The following MIDEAS variants were observed in gnomAD, a reference collection of about 807,000 sequenced individuals.
The protein encoded by MIDEAS is mitotic deacetylase associated SANT domain protein, also known as mitotic deacetylase-associated SANT domain protein.
MIDEAS carries 26 observed loss-of-function variants against 102.7 expected under a neutral mutation model. The observed-to-expected ratio is 0.25, with a 90% confidence interval of 0.19 to 0.35. MIDEAS has a LOEUF of 0.35. MIDEAS is among the 10% of genes least tolerant of loss of function. The pLI, the probability that MIDEAS is intolerant of heterozygous loss-of-function variation, is 1.00. For synonymous variants in MIDEAS, 585 were observed against 591.0 expected, an observed-to-expected ratio of 0.99 and a Z score of 0.15; for missense variants, 1,231 against 1,435.6, an observed-to-expected ratio of 0.86 and a Z score of 2.30.
chr14:73,786,399 T>C (rs2053809589), intron 1 of MIDEAS, among the ~76,000 whole-genome samples: 1 of 152,148 alleles, frequency 6.6e-6, no homozygotes, highest in Admixed American at 6.5e-5. Flanking sequence ...GTTTCTGAGT[T>C]TTATATAGAA....
chr14:73,776,523 A>T lies in MIDEAS; in HGVS notation c.-248+10579T>A, dbSNP rs554055795. Among the ~76,000 whole-genome samples the T allele has an allele frequency of 1.6e-4, 20 of 121,742 alleles. 1 individual carries two copies. The East Asian group carries it at 6.6e-3, about 40-fold the overall frequency. 79.9% of individuals were successfully genotyped at this position (121,742 alleles called of 152,430 possible). A position where few individuals can be genotyped will look rare whatever the true frequency, so the allele number is the denominator to read the frequency against. Reference sequence around the variant, plus strand: ...ACATGGCAAAACCCCATCTCTGTTTAAATTACAAAAAAAAAAAAAAAAAAG... The same window carrying T: ...ACATGGCAAAACCCCATCTCTGTTTTAATTACAAAAAAAAAAAAAAAAAAG... On this transcript the variant is annotated intron_variant, in intron 1 of 11. Transcript: ENST00000394071.
At chr14:73,731,335 A>G (rs1245293448) in intron 3 of MIDEAS, among the ~76,000 whole-genome samples, 2 of 152,202 alleles carry the variant, frequency 1.3e-5, no homozygotes, top group African/African-American at 4.8e-5. Context: ...CCATAAACAC[A>G]TTCCAGCAGA....
At chr14:73,719,077 GGAGCCCCA>G in intron 12 of MIDEAS, 69 bp from the exon 13 acceptor site, 1 of 1,447,066 alleles carries the variant, frequency 6.9e-7, no homozygotes, top group Non-Finnish European at 9.0e-7. Context: ...GGGTGCGCGA[GGAGCCCCA>G]GCCTTCACCT....
intron 1 of MIDEAS, among the ~76,000 whole-genome samples, chr14:73,778,677 A>G (rs1472914880): frequency 1.3e-5 from 2 of 151,902 alleles, no homozygotes; most frequent in African/African-American, 4.8e-5. Flanking sequence ...GAGGCTGAGG[A>G]GGGGACATGG....
chr14:73,789,073 ACAGC>A (rs1306320661), upstream of MIDEAS: 1 of 152,180 alleles, frequency 6.6e-6, no homozygotes, highest in Non-Finnish European at 1.5e-5. Context: ...GATGTGGTAG[ACAGC>A]CTCTAAGATG....
intron 1 of MIDEAS, among the ~76,000 whole-genome samples, chr14:73,784,410 G>A (rs1196912380): frequency 6.6e-6 from 1 of 152,244 alleles, no homozygotes; most frequent in East Asian, 1.9e-4. Context: ...CTGAAGGTGA[G>A]GGGCCTGCAT....
At chr14:73,737,372 C>A in intron 2 of MIDEAS, 75 bp from the exon 3 acceptor site, 2 of 1,474,606 alleles carry the variant, frequency 1.4e-6, no homozygotes, top group South Asian at 2.6e-5. Flanking sequence ...GCCTATAATT[C>A]CTGCACTTTG....
intron 1 of MIDEAS, among the ~76,000 whole-genome samples, chr14:73,749,026 A>G (rs35137855): frequency 0.022 from 3,375 of 152,280 alleles, 57 homozygotes; most frequent in Non-Finnish European, 0.035. Flanking sequence ...ATACATACAC[A>G]TGAGAGAGAG....
At chr14:73,723,890 G>C (rs2053028149) in intron 9 of MIDEAS, 1 of 152,158 alleles carries the variant, frequency 6.6e-6, no homozygotes, top group Non-Finnish European at 1.5e-5. Context: ...GCTGAGAAGT[G>C]AGCATACAGA....
In MIDEAS at chr14:73,722,660, CCCAGG is replaced by C; in HGVS notation, c.2724+33_2724+37del. 4 of 1,606,596 alleles carry C rather than the reference CCCAGG, an allele frequency of 2.5e-6. No individual in the cohort carries two copies. In the South Asian group the frequency reaches 4.4e-5, roughly 18 times the overall value. ...AGCTCAGGCCTGGTCCCAGACCCAGCCCAGGCTCTATGCAGCTGAGGTTGGAAAAG... is the reference window on the plus strand; with the variant it reads ...AGCTCAGGCCTGGTCCCAGACCCAGCCTCTATGCAGCTGAGGTTGGAAAAG... On this transcript the variant is annotated intron_variant, in intron 10 of 12. Coordinates refer to ENST00000423556, the MANE Select transcript of MIDEAS (RefSeq NM_001367710.1).
intron 1 of MIDEAS, among the ~76,000 whole-genome samples, chr14:73,771,355 C>T (rs915440778): frequency 1.3e-5 from 2 of 152,180 alleles, no homozygotes; most frequent in Admixed American, 6.5e-5. Flanking sequence ...CTCCAACCTG[C>T]GAACTCAAGG....
At chr14:73,770,641 C>T (rs147639878) in intron 1 of MIDEAS, among the ~76,000 whole-genome samples, 74 of 152,270 alleles carry the variant, frequency 4.9e-4, no homozygotes, top group African/African-American at 1.7e-3. Flanking sequence ...TAACCTCCAG[C>T]GTCCTGGGTA....
At chr14:73,746,582 C>T (rs1317715462) in intron 1 of MIDEAS, among the ~76,000 whole-genome samples, 1 of 152,188 alleles carries the variant, frequency 6.6e-6, no homozygotes, top group Non-Finnish European at 1.5e-5. Context: ...ATGCCCTATA[C>T]AGCTCCCACC....
At chr14:73,784,622 C>T (rs1415240469) in intron 1 of MIDEAS, among the ~76,000 whole-genome samples, 1 of 152,060 alleles carries the variant, frequency 6.6e-6, no homozygotes, top group African/African-American at 2.4e-5. Context: ...CCCCTCAAGA[C>T]TACAGCCAGG....
Position 73,729,924 on chromosome 14 carries a change from G to C in MIDEAS, c.1811C>G (p.Pro604Arg). The change falls in exon 4 of 13, where the codon CCC becomes CGC. Residue 604 changes from proline to arginine, a missense_variant. Pro to Arg is a moderately radical substitution (Grantham distance 103). Coordinates refer to ENST00000423556, the MANE Select transcript of MIDEAS (RefSeq NM_001367710.1). Reference protein sequence around the residue: ...EPSVRKPKQRPRPEPLIIPTK... With the variant: ...EPSVRKPKQRRRPEPLIIPTK... ...GGGGATGATGAGGGGCTCGGGCCTG[G>C]GCCGCTGCTTTGGTTTCCGCACGGA... The C allele has an allele frequency of 1.2e-6, 2 of 1,608,500 alleles. No individual in the cohort carries two copies. Among genetic ancestry groups the C allele is most frequent in the South Asian group, 1.1e-5 (1 of 90,670 alleles).
intron 3 of MIDEAS, among the ~76,000 whole-genome samples, chr14:73,736,345 A>ATG (rs1232555382): frequency 6.6e-6 from 1 of 151,660 alleles, no homozygotes; most frequent in Non-Finnish European, 1.5e-5. Context: ...TTAGAAGGAG[A>ATG]TGTCGGCCAG....
At position 73,718,828 on chromosome 14, in the gene MIDEAS, G is replaced by A. The variant is rs970703422; in HGVS notation, c.*15C>T. Reference sequence around the variant, plus strand: ...AGGGCCGAGGCCCAGGACTGGGCCAGCCTGGCTCCCGCGCTCAGCCCTTGT... The same window carrying A: ...AGGGCCGAGGCCCAGGACTGGGCCAACCTGGCTCCCGCGCTCAGCCCTTGT... On this transcript the variant is annotated 3_prime_UTR_variant, in exon 13 of 13. Transcript: ENST00000423556. 8 of 1,426,236 alleles carry A rather than the reference G, an allele frequency of 5.6e-6. No individual in the cohort carries two copies. The African/African-American group carries it at 1.2e-4, about 21-fold the overall frequency. 88.3% of individuals were successfully genotyped at this position (1,426,236 alleles called of 1,614,324 possible). A position where few individuals can be genotyped will look rare whatever the true frequency, so the allele number is the denominator to read the frequency against.
At position 73,725,123 on chromosome 14, in the gene MIDEAS, C is replaced by G. The variant is rs1231162895; in HGVS notation, c.2574+149G>C. 6 of 671,500 alleles carry G rather than the reference C, an allele frequency of 8.9e-6. No individual in the cohort carries two copies. Among genetic ancestry groups the G allele is most frequent in the Non-Finnish European group, 1.6e-5 (6 of 369,866 alleles). The allele number at this position is 671,500 out of a possible 1,614,324, so 41.6% of individuals were successfully genotyped here. A position where few individuals can be genotyped will look rare whatever the true frequency, so the allele number is the denominator to read the frequency against. ...GGAAAAGAGACCTATCTTTCTCTTT[C>G]TTGTATTGTTTAGGAAATTCTCTCT... On this transcript the variant is annotated intron_variant, in intron 9 of 12. Coordinates refer to ENST00000423556, the MANE Select transcript of MIDEAS (RefSeq NM_001367710.1). The surrounding 1 kb of genome is among the most constrained non-coding windows in gnomAD (Gnocchi z 4.1).
chr14:73,720,152 G>T (rs2052966397), intron 11 of MIDEAS, among the ~76,000 whole-genome samples: 1 of 151,992 alleles, frequency 6.6e-6, no homozygotes, highest in African/African-American at 2.4e-5. Flanking sequence ...CTTGGTGCAG[G>T]TGGTCGAGGC....
Sources: gnomAD v4.1 joint callset for allele counts (sites outside exome capture counted in the v4.1 genomes callset) on GRCh38, gnomAD v4.1.1 for gene constraint, Gnocchi (gnomAD v3.1) non-coding constraint, MANE v1.5 for transcripts, NCBI Gene and HGNC (gene_info 2026-07-23, HGNC 2026-07-21) for gene names.